The following AGBL4 variants were observed in gnomAD, a reference collection of about 807,000 sequenced individuals.
AGBL4 encodes the protein AGBL carboxypeptidase 4, also known as cytosolic carboxypeptidase 6.
AGBL4 carries 58 observed loss-of-function variants against 66.4 expected under a neutral mutation model. The ratio of observed to expected loss-of-function variants is 0.87; its 90% CI spans 0.71 to 1.09. AGBL4 has a LOEUF of 1.09. Ranked by LOEUF, AGBL4 falls within the 50% of genes least tolerant of loss-of-function variation. AGBL4 has a pLI of 0.00. For missense variants in AGBL4, 579 were observed against 631.0 expected (o/e 0.92, Z 0.88); for synonymous variants, 234 against 222.9 (o/e 1.05, Z -0.44).
At chr1:49,170,207 A>C (rs1646709722) in intron 4 of AGBL4, among the ~76,000 whole-genome samples, 1 of 147,150 alleles carries the variant, frequency 6.8e-6, no homozygotes. Context: ...TATGTTATAA[A>C]TTTATATTCA....
intron 1 of AGBL4, among the ~76,000 whole-genome samples, chr1:49,952,674 C>T (rs1433180318): frequency 6.6e-6 from 1 of 151,858 alleles, no homozygotes; most frequent in Non-Finnish European, 1.5e-5. Context: ...ATAGGCAAAA[C>T]CCAACATTCT....
intron 6 of AGBL4, chr1:48,758,897 C>A: frequency 6.6e-7 from 1 of 1,508,776 alleles, no homozygotes; most frequent in South Asian, 1.3e-5. Flanking sequence ...CTGGGGCACT[C>A]ACCGCTGCCA....
chr1:49,901,240 G>A (rs76293833), intron 1 of AGBL4, among the ~76,000 whole-genome samples: 5 of 152,316 alleles, frequency 3.3e-5, no homozygotes, highest in South Asian at 4.1e-4. Context: ...TAGGAAGAGA[G>A]GAAGTCAAAC....
intron 2 of AGBL4, among the ~76,000 whole-genome samples, chr1:49,801,421 A>T (rs1644857888): frequency 6.6e-6 from 1 of 152,190 alleles, no homozygotes; most frequent in African/African-American, 2.4e-5. Flanking sequence ...AGCCATGCCC[A>T]GACTCCTGGT....
intron 2 of AGBL4, among the ~76,000 whole-genome samples, chr1:49,730,390 G>T (rs1394124601): frequency 6.6e-6 from 1 of 152,158 alleles, no homozygotes; most frequent in Non-Finnish European, 1.5e-5. Flanking sequence ...CCAGACTATG[G>T]GAGTGAAGAG....
At chr1:48,988,282 A>T (rs540630209) in intron 5 of AGBL4, among the ~76,000 whole-genome samples, 1 of 152,234 alleles carries the variant, frequency 6.6e-6, no homozygotes, top group East Asian at 1.9e-4. Context: ...AATTGTGCCA[A>T]ACTATTTATG....
intron 1 of AGBL4, among the ~76,000 whole-genome samples, chr1:49,971,921 T>TTTTTTTTTTTTTTTG (rs1658145750): frequency 9.7e-5 from 10 of 103,520 alleles, no homozygotes; most frequent in African/African-American, 3.1e-4. Flanking sequence ...TTTTTTTTTT[T>TTTTTTTTTTTTTTTG]TTTTTTTTTT....
chr1:48,862,550 T>C (rs1647582696), intron 6 of AGBL4, among the ~76,000 whole-genome samples: 1 of 152,230 alleles, frequency 6.6e-6, no homozygotes, highest in Admixed American at 6.5e-5. Context: ...CTCTATTTCC[T>C]GACCTCGTGA....
intron 11 of AGBL4, among the ~76,000 whole-genome samples, chr1:48,566,256 C>T (rs1414627580): frequency 6.6e-6 from 1 of 152,204 alleles, no homozygotes; most frequent in East Asian, 1.9e-4. Context: ...AGCCTTTATT[C>T]ATCATGACCC....
intron 3 of AGBL4, among the ~76,000 whole-genome samples, chr1:49,308,538 T>C (rs1644889382): frequency 1.3e-5 from 2 of 151,998 alleles, no homozygotes; most frequent in Admixed American, 6.6e-5. Flanking sequence ...AAAAGAAATA[T>C]ACTCTAAGTC....
intron 6 of AGBL4, among the ~76,000 whole-genome samples, chr1:48,839,591 G>A (rs980188553): frequency 6.6e-6 from 1 of 152,128 alleles, no homozygotes; most frequent in Non-Finnish European, 1.5e-5. Context: ...GGAGAGGGGA[G>A]ACAGAGAGTA....
intron 6 of AGBL4, among the ~76,000 whole-genome samples, chr1:48,796,362 T>C (rs937654858): frequency 2.6e-5 from 4 of 152,294 alleles, no homozygotes; most frequent in Non-Finnish European, 5.9e-5. Context: ...ATCTCCAATA[T>C]CTAGCACAGT....
chr1:48,895,755 G>C (rs966402210), intron 5 of AGBL4, among the ~76,000 whole-genome samples: 1 of 152,176 alleles, frequency 6.6e-6, no homozygotes, highest in African/African-American at 2.4e-5. Flanking sequence ...TAGACTGGTA[G>C]GACTCAGAAG....
chr1:49,074,195 G>A (rs551041455), intron 4 of AGBL4, among the ~76,000 whole-genome samples: 1 of 152,202 alleles, frequency 6.6e-6, no homozygotes, highest in Admixed American at 6.5e-5. Flanking sequence ...GGGACCTGCT[G>A]AGCCAGGCAC....
At chr1:49,376,753 T>C (rs1250569312) in intron 3 of AGBL4, among the ~76,000 whole-genome samples, 1 of 152,114 alleles carries the variant, frequency 6.6e-6, no homozygotes, top group Non-Finnish European at 1.5e-5. Context: ...GAAATCCCCA[T>C]GGCTAGCCTA....
the AGBL4 span, among the ~76,000 whole-genome samples, chr1:48,523,793 A>G: frequency 2.7e-3 from 412 of 152,312 alleles, 2 homozygotes; most frequent in Middle Eastern, 0.01. Flanking sequence ...TGATTTCATC[A>G]TTGTGTGAAC....
In AGBL4 at chr1:49,110,720, C is replaced by T. The variant is rs201504030; in HGVS notation, c.378-64920G>A. ...TACTATTAGCAAACAACCTTGACCC[C>T]GTGACTCAACACTCCATCCACCATC... On this transcript the variant is annotated intron_variant, in intron 4 of 13. Coordinates refer to ENST00000371839, the MANE Select transcript of AGBL4 (RefSeq NM_032785.4). Among the ~76,000 whole-genome samples the T allele has an allele frequency of 3.9e-5, 6 of 152,254 alleles. No homozygotes were observed. In the South Asian group the frequency reaches 6.2e-4, roughly 16 times the overall value.
intron 5 of AGBL4, among the ~76,000 whole-genome samples, chr1:48,961,627 C>T (rs1180612408): frequency 3.9e-5 from 6 of 152,192 alleles, no homozygotes; most frequent in African/African-American, 1.4e-4. Context: ...CCTGGCATCA[C>T]TGTGCAGTGC....
intron 5 of AGBL4, among the ~76,000 whole-genome samples, chr1:48,930,149 G>A (rs755434234): frequency 1.1e-4 from 17 of 151,960 alleles, no homozygotes; most frequent in Non-Finnish European, 2.4e-4. Flanking sequence ...GCCCAAATAC[G>A]ATCACATACA....
Sources: allele counts gnomAD v4.1 joint callset (sites outside exome capture counted in the v4.1 genomes callset), GRCh38; gene constraint gnomAD v4.1.1; transcripts MANE v1.5; gene names NCBI Gene and HGNC (gene_info 2026-07-23, HGNC 2026-07-21).